The following FMR1 variants were observed in gnomAD, a reference collection of about 807,000 sequenced individuals.
The protein encoded by FMR1 is FMRP translational regulator 1.
FMR1 carries 13 observed loss-of-function variants against 50.6 expected under a neutral mutation model. The ratio of observed to expected loss-of-function variants is 0.26; its 90% CI spans 0.17 to 0.41. The LOEUF (loss-of-function observed/expected upper bound fraction) is 0.41. FMR1 is among the 10% of genes least tolerant of loss of function. FMR1 has a pLI of 1.00. For synonymous variants in FMR1, 138 were observed against 164.1 expected (o/e 0.84, Z 1.22); for missense variants, 316 against 491.3 (o/e 0.64, Z 3.37).
At chrX:147,924,335 T>C in intron 2 of FMR1, among the ~76,000 whole-genome samples, 1 of 110,367 alleles carries the variant, frequency 9.1e-6, no homozygotes, top group Middle Eastern at 4.7e-3. Flanking sequence ...AGCTCTTTAG[T>C]AAAACATCGA....
chrX:147,923,211 G>A (rs1557176798), intron 2 of FMR1, among the ~76,000 whole-genome samples: 1 of 111,783 alleles, frequency 8.9e-6, no homozygotes, highest in African/African-American at 3.3e-5. Flanking sequence ...AGGATTAAAA[G>A]CATCTAACCC....
intron 1 of FMR1, among the ~76,000 whole-genome samples, chrX:147,919,679 C>A (rs1489309727): frequency 8.9e-6 from 1 of 112,055 alleles, no homozygotes; most frequent in African/African-American, 3.2e-5. Flanking sequence ...CCATTATAGT[C>A]CACCTTGATC....
chrX:147,931,414 T>TA (rs1557178665), intron 7 of FMR1, among the ~76,000 whole-genome samples: 2 of 111,445 alleles, frequency 1.8e-5, no homozygotes, highest in Non-Finnish European at 3.8e-5. Context: ...TACTCTAGTC[T>TA]AAAAAAAATG....
chrX:147,948,705 A>T lies in FMR1; in HGVS notation c.1760A>T (p.Glu587Val). The T allele has an allele frequency of 8.3e-7, 1 of 1,211,823 alleles. No homozygotes were observed. Among genetic ancestry groups the T allele is most frequent in the Non-Finnish European group, 1.1e-6 (1 of 895,484 alleles). Residue 587 changes from glutamate to valine, a missense_variant, in exon 17 of 17, where the codon GAA (glutamate) becomes GTA (valine). Coordinates refer to ENST00000370475, the MANE Select transcript of FMR1 (RefSeq NM_002024.6). ...SLQIRVDCNNERSVHTKTLQN... is the reference protein window; with the variant it reads ...SLQIRVDCNNVRSVHTKTLQN... ...TAGATCAGAGTTGACTGCAATAATG[A>T]AAGGAGTGTCCACACTAAAACATTA...
chrX:147,928,588 A>G, intron 4 of FMR1, 71 bp from the exon 5 acceptor site: 1 of 985,493 alleles, frequency 1.0e-6, no homozygotes, highest in East Asian at 3.1e-5. Flanking sequence ...TTTTAAAATA[A>G]CTGAATAGGG....
At chrX:147,945,764 C>A in intron 16 of FMR1, 148 bp downstream of exon 16, 2 of 495,665 alleles carry the variant, frequency 4.0e-6, no homozygotes, top group Non-Finnish European at 7.1e-6. Context: ...CAATTGTAGT[C>A]AATCTTAGTT....
chrX:147,915,103 G>A (rs2042786444), intron 1 of FMR1, among the ~76,000 whole-genome samples: 1 of 111,490 alleles, frequency 9.0e-6, no homozygotes, highest in African/African-American at 3.3e-5. Context: ...TTGTAATATG[G>A]TGTAATTATA....
chrX:147,939,977 C>G (rs1557180380), intron 12 of FMR1, among the ~76,000 whole-genome samples: 1 of 98,123 alleles, frequency 1.0e-5, no homozygotes, highest in African/African-American at 3.8e-5. Flanking sequence ...CCAGCTAAAA[C>G]AGTGAAACCC....
chrX:147,948,535 C>G (rs1347252388), intron 16 of FMR1, 148 bp from the exon 17 acceptor site: 28 of 1,118,965 alleles, frequency 2.5e-5, no homozygotes, highest in Non-Finnish European at 3.3e-5. Flanking sequence ...TCCTACCTTA[C>G]ATTAATTTCT....
intron 8 of FMR1, 22 bp downstream of exon 8, chrX:147,932,617 T>G (rs782503252): frequency 1.1e-5 from 13 of 1,197,891 alleles, no homozygotes; most frequent in African/African-American, 3.5e-5. Flanking sequence ...ACTGCATAGT[T>G]TTTTTTTCCC....
intron 3 of FMR1, 145 bp downstream of exon 3, chrX:147,925,778 A>T (rs994643830): frequency 2.0e-6 from 1 of 492,208 alleles, no homozygotes; most frequent in Non-Finnish European, 3.7e-6. Context: ...TGACTAACTC[A>T]TCTTATTAAT....
intron 16 of FMR1, chrX:147,946,906 GGATA>G (rs1202346169): frequency 8.9e-6 from 1 of 111,885 alleles, no homozygotes; most frequent in East Asian, 2.8e-4. Context: ...CATGTCCAAG[GGATA>G]GATAGATTGG....
At chrX:147,926,000 A>G (rs29299) in intron 3 of FMR1, among the ~76,000 whole-genome samples, 6,464 of 112,410 alleles carry the variant, frequency 0.058, 203 homozygotes, top group Middle Eastern at 0.11. Flanking sequence ...CACAGGAAAG[A>G]AATCATGCTT....
intron 15 of FMR1, 67 bp downstream of exon 15, chrX:147,945,118 C>T (rs2044130530): frequency 8.6e-7 from 1 of 1,159,081 alleles, no homozygotes; most frequent in South Asian, 1.9e-5. Flanking sequence ...CATGAGAAAT[C>T]CTATTGATGC....
At chrX:147,931,432 C>A (rs1050389729) in intron 7 of FMR1, among the ~76,000 whole-genome samples, 4 of 111,671 alleles carry the variant, frequency 3.6e-5, no homozygotes, top group Non-Finnish European at 7.5e-5. Context: ...ATGGGTATTG[C>A]ACTTTTAAAT....
At chrX:147,941,820 T>A (rs1333970985) in intron 13 of FMR1, among the ~76,000 whole-genome samples, 3 of 112,696 alleles carry the variant, frequency 2.7e-5, no homozygotes, top group Admixed American at 9.4e-5. Context: ...TTAGATCCTT[T>A]GATTTATTCT....
intron 1 of FMR1, 91 bp downstream of exon 1, chrX:147,912,321 C>T (rs2042619607): frequency 1.1e-6 from 1 of 888,317 alleles, no homozygotes; most frequent in African/African-American, 2.0e-5. Flanking sequence ...GGGCCCTCTT[C>T]CCGAGCACCG....
chrX:147,915,515 A>T (rs2042813964), intron 1 of FMR1, among the ~76,000 whole-genome samples: 1 of 110,855 alleles, frequency 9.0e-6, no homozygotes, highest in Non-Finnish European at 1.9e-5. Context: ...TGCCCTTTTT[A>T]GTTTTTAGGA....
chrX:147,924,895 C>T (rs148602524), intron 2 of FMR1: 5 of 110,021 alleles, frequency 4.5e-5, no homozygotes, highest in African/African-American at 1.7e-4. Context: ...AATTTAAAAA[C>T]ATAGGCAACT....
Sources: gnomAD v4.1 joint callset for allele counts (sites outside exome capture counted in the v4.1 genomes callset) on GRCh38, gnomAD v4.1.1 for gene constraint, MANE v1.5 for transcripts, NCBI Gene and HGNC (gene_info 2026-07-23, HGNC 2026-07-21) for gene names.